Variants in GRM3 observed in about 807,000 individuals in gnomAD.
GRM3 encodes the protein metabotropic glutamate receptor 3.
In GRM3, 26 loss-of-function variants were observed where a neutral mutation model predicts 70.5. The observed-to-expected ratio is 0.37, with a 90% CI of 0.27 to 0.51. The LOEUF (loss-of-function observed/expected upper bound fraction) is 0.51. GRM3 is among the 20% of genes least tolerant of loss of function. The pLI, the probability that GRM3 is intolerant of heterozygous loss-of-function variation, is 0.93. For missense variants in GRM3, 859 were observed against 1,123.8 expected (o/e 0.76, Z 3.37); for synonymous variants, 443 against 434.9 (o/e 1.02, Z -0.23).
intron 1 of GRM3, among the ~76,000 whole-genome samples, chr7:86,760,775 T>C (rs1349996025): frequency 1.3e-5 from 2 of 152,110 alleles, no homozygotes; most frequent in Non-Finnish European, 2.9e-5. Context: ...AAAAATACAG[T>C]GTATTTAAAC....
At chr7:86,743,308 C>T (rs906618791) in intron 1 of GRM3, among the ~76,000 whole-genome samples, 1 of 152,030 alleles carries the variant, frequency 6.6e-6, no homozygotes, top group Non-Finnish European at 1.5e-5. Context: ...ATGTTGGTAG[C>T]TATATCCCAT....
At chr7:86,862,033 G>A (rs986290130) in intron 5 of GRM3, among the ~76,000 whole-genome samples, 1 of 152,068 alleles carries the variant, frequency 6.6e-6, no homozygotes, top group Non-Finnish European at 1.5e-5. Flanking sequence ...GGGCAGGGTC[G>A]AAACAAAAAG....
At chr7:86,678,711 G>A (rs759122886) in intron 1 of GRM3, among the ~76,000 whole-genome samples, 2 of 152,018 alleles carry the variant, frequency 1.3e-5, no homozygotes, top group African/African-American at 2.4e-5. Flanking sequence ...CAAGGACATC[G>A]AGATGTGTTA....
chr7:86,727,886 T>C (rs1795628704), intron 1 of GRM3, among the ~76,000 whole-genome samples: 1 of 152,194 alleles, frequency 6.6e-6, no homozygotes, highest in Non-Finnish European at 1.5e-5. Context: ...ACAGCTTTCA[T>C]ACTACTAGGT....
intron 1 of GRM3, among the ~76,000 whole-genome samples, chr7:86,700,291 A>T (rs1476487537): frequency 2.0e-5 from 3 of 152,032 alleles, no homozygotes; most frequent in African/African-American, 7.2e-5. Flanking sequence ...AAAGCATGAA[A>T]TTACAACTGA....
chr7:86,822,619 G>A (rs1445172951), intron 3 of GRM3, among the ~76,000 whole-genome samples: 1 of 152,220 alleles, frequency 6.6e-6, no homozygotes, highest in South Asian at 2.1e-4. Flanking sequence ...TAGAGCGAGA[G>A]ATATGAATGG....
rs534901554 is a variant in GRM3 at position 86,662,561 on chromosome 7, T to C, written c.-141+17689T>C. Reference sequence around the variant, plus strand: ...GGAAATTAATAGATTTTACTGATAATAAATTATTTTAATATTTGGTTTTAT... The same window carrying C: ...GGAAATTAATAGATTTTACTGATAACAAATTATTTTAATATTTGGTTTTAT... On this transcript the variant is annotated intron_variant, in intron 1 of 5. Transcript: ENST00000361669. Among the ~76,000 whole-genome samples the C allele has an allele frequency of 4.6e-5, 7 of 152,084 alleles. 1 individual carries two copies. The South Asian group carries it at 1.4e-3, about 31-fold the overall frequency.
chr7:86,663,100 C>T (rs1229051781), intron 1 of GRM3, among the ~76,000 whole-genome samples: 3 of 151,672 alleles, frequency 2.0e-5, no homozygotes, highest in Non-Finnish European at 2.9e-5. Flanking sequence ...AAACTATTAT[C>T]TAGTAACAGA....
At chr7:86,803,144 A>C (rs1268996988) in intron 3 of GRM3, among the ~76,000 whole-genome samples, 1 of 152,236 alleles carries the variant, frequency 6.6e-6, no homozygotes, top group Non-Finnish European at 1.5e-5. Context: ...TCAGTCATCA[A>C]AAAGCAAGCC....
At chr7:86,707,916 T>A (rs1220049646) in intron 1 of GRM3, among the ~76,000 whole-genome samples, 2 of 152,136 alleles carry the variant, frequency 1.3e-5, no homozygotes, top group Non-Finnish European at 2.9e-5. Context: ...ATAGTTCATT[T>A]AATTTTCATT....
At chr7:86,697,325 T>G (rs1794842133) in intron 1 of GRM3, among the ~76,000 whole-genome samples, 2 of 151,520 alleles carry the variant, frequency 1.3e-5, no homozygotes, top group African/African-American at 4.8e-5. Context: ...ATACATGGTT[T>G]GTACACAGAA....
chr7:86,813,725 G>A (rs1797959919), intron 3 of GRM3, among the ~76,000 whole-genome samples: 1 of 151,648 alleles, frequency 6.6e-6, no homozygotes, highest in African/African-American at 2.4e-5. Flanking sequence ...ATGTCATGGT[G>A]GCCAGAACTC....
intron 1 of GRM3, among the ~76,000 whole-genome samples, chr7:86,684,188 A>T (rs979444297): frequency 1.3e-5 from 2 of 152,064 alleles, no homozygotes; most frequent in Non-Finnish European, 2.9e-5. Context: ...TCTTGGAGTC[A>T]TTTAGTTTTC....
intron 1 of GRM3, among the ~76,000 whole-genome samples, chr7:86,696,694 A>AGTGGTG (rs200448311): frequency 1.4e-4 from 21 of 151,260 alleles, no homozygotes; most frequent in Admixed American, 3.3e-4. Flanking sequence ...CTGTAGTAAT[A>AGTGGTG]GTGGTGGTGG....
At chr7:86,755,382 A>G (rs1204798309) in intron 1 of GRM3, among the ~76,000 whole-genome samples, 1 of 152,166 alleles carries the variant, frequency 6.6e-6, no homozygotes. Context: ...CGAAATGGGC[A>G]GTAATCATAA....
chr7:86,711,999 C>T (rs1795210177), intron 1 of GRM3, among the ~76,000 whole-genome samples: 1 of 152,014 alleles, frequency 6.6e-6, no homozygotes, highest in Admixed American at 6.6e-5. Context: ...CAGAATTCAC[C>T]TCCTACAAAA....
intron 4 of GRM3, among the ~76,000 whole-genome samples, chr7:86,845,845 G>C (rs1798645270): frequency 6.6e-6 from 1 of 152,098 alleles, no homozygotes; most frequent in Non-Finnish European, 1.5e-5. Context: ...CATCATTACT[G>C]TCACTATTGG....
chr7:86,794,881 TA>T (rs59824648), intron 3 of GRM3, among the ~76,000 whole-genome samples: 28,156 of 142,350 alleles, frequency 0.2, 2,537 homozygotes, highest in Middle Eastern at 0.29. Context: ...CTTTTGTCTT[TA>T]AAAAAAAAAA....
Position 86,767,104 on chromosome 7 carries a change from C to G in GRM3, c.468+1491C>G, listed in dbSNP as rs534149484. The stretch of plus-strand genomic sequence containing the variant: ...GGACACACCTGTGTTCCCAGATACT[C>G]GGGAGGCTGAGGCAGGAGAATCACT... On this transcript the variant is annotated intron_variant, in intron 2 of 5. Transcript: ENST00000361669. Among the ~76,000 whole-genome samples, 3 of 151,594 alleles carry G rather than the reference C, an allele frequency of 2.0e-5. No homozygotes were observed. The East Asian group carries it at 5.8e-4, about 29-fold the overall frequency.
Sources: allele counts gnomAD v4.1 joint callset (sites outside exome capture counted in the v4.1 genomes callset), GRCh38; gene constraint gnomAD v4.1.1; transcripts MANE v1.5; gene names NCBI Gene and HGNC (gene_info 2026-07-23, HGNC 2026-07-21).